The following GAD2 variants were observed in gnomAD, a reference collection of about 807,000 sequenced individuals.
GAD2 encodes the protein 65 kDa glutamic acid decarboxylase.
GAD2 carries 22 observed loss-of-function variants against 80.1 expected under a neutral mutation model. That is an observed-to-expected ratio of 0.27 (90% CI 0.20 to 0.39). The LOEUF (loss-of-function observed/expected upper bound fraction) is 0.39, where lower values mean the gene tolerates loss of function less well. Among genes scored for constraint, GAD2 ranks in the 10% least tolerant of loss-of-function variants. The pLI, the probability that GAD2 is intolerant of heterozygous loss-of-function variation, is 1.00. For synonymous variants in GAD2, 274 were observed against 256.9 expected (o/e 1.07, Z -0.64); for missense variants, 624 against 738.4 (o/e 0.85, Z 1.80).
chr10:26,293,068 G>A, intron 15 of GAD2, 77 bp downstream of exon 15: 2 of 1,204,684 alleles, frequency 1.7e-6, no homozygotes, highest in East Asian at 2.3e-5. Context: ...ACATATGCCT[G>A]TGGCCTTAGG....
chr10:26,291,412 C>A (rs1305176783), intron 13 of GAD2, among the ~76,000 whole-genome samples: 1 of 152,222 alleles, frequency 6.6e-6, no homozygotes, highest in African/African-American at 2.4e-5. Context: ...AGCCGATTAC[C>A]TGGGGGAGCA....
intron 7 of GAD2, among the ~76,000 whole-genome samples, chr10:26,237,878 G>C (rs1194684573): frequency 6.6e-6 from 1 of 151,830 alleles, no homozygotes; most frequent in Non-Finnish European, 1.5e-5. Flanking sequence ...TGTAATGGCG[G>C]CACCTGTAAT....
At chr10:26,218,227 C>G (rs950074194) in intron 3 of GAD2, 1 of 413,560 alleles carries the variant, frequency 2.4e-6, no homozygotes, top group East Asian at 3.8e-5. Flanking sequence ...CGCTCTTCCC[C>G]CAGCGCGGCC....
intron 7 of GAD2, among the ~76,000 whole-genome samples, chr10:26,242,740 C>G (rs1844758248): frequency 6.6e-6 from 1 of 152,290 alleles, no homozygotes; most frequent in Middle Eastern, 3.4e-3. Context: ...GCATTTGGTA[C>G]CGTGATCAAT....
chr10:26,287,937 C>A (rs1289268974), intron 13 of GAD2, among the ~76,000 whole-genome samples: 2 of 152,124 alleles, frequency 1.3e-5, no homozygotes, highest in African/African-American at 4.8e-5. Flanking sequence ...ACTTGGTCAG[C>A]AGGAGGGAAG....
chr10:26,286,536 AC>A (rs1376645554), intron 13 of GAD2, 42 bp downstream of exon 13: 2 of 1,553,096 alleles, frequency 1.3e-6, no homozygotes, highest in African/African-American at 2.8e-5. Context: ...TAAAAACAGA[AC>A]CTTTATCTGG....
chr10:26,288,236 T>C (rs1834171220), intron 13 of GAD2, among the ~76,000 whole-genome samples: 1 of 152,226 alleles, frequency 6.6e-6, no homozygotes, highest in Admixed American at 6.5e-5. Flanking sequence ...AATAACTCTT[T>C]AGTGGTTTCC....
intron 7 of GAD2, among the ~76,000 whole-genome samples, chr10:26,242,114 T>C (rs1203668902): frequency 6.6e-6 from 1 of 151,850 alleles, no homozygotes; most frequent in Non-Finnish European, 1.5e-5. Flanking sequence ...GCCTCCGGAG[T>C]AGCTGGGACT....
At chr10:26,238,413 G>A (rs781379410) in intron 7 of GAD2, among the ~76,000 whole-genome samples, 1 of 152,122 alleles carries the variant, frequency 6.6e-6, no homozygotes, top group Non-Finnish European at 1.5e-5. Flanking sequence ...AGAAATAATT[G>A]TTGTCCACAG....
At chr10:26,248,450 G>A (rs188594216) in intron 8 of GAD2, among the ~76,000 whole-genome samples, 1 of 152,120 alleles carries the variant, frequency 6.6e-6, no homozygotes, top group Admixed American at 6.6e-5. Context: ...TGAGGTTTAC[G>A]TACCAGCCAA....
chr10:26,220,068 G>A (rs990207163), intron 4 of GAD2, among the ~76,000 whole-genome samples: 4 of 152,124 alleles, frequency 2.6e-5, no homozygotes, highest in South Asian at 2.1e-4. Flanking sequence ...GGTGCATTCC[G>A]AGCTTTCATG....
At chr10:26,290,606 A>G (rs904084522) in intron 13 of GAD2, among the ~76,000 whole-genome samples, 1 of 152,184 alleles carries the variant, frequency 6.6e-6, no homozygotes, top group South Asian at 2.1e-4. Context: ...AAATTGAGAT[A>G]ACAGCAAGGG....
rs1844574762 is a variant in GAD2, at chr10:26,229,712, T to C, written c.775T>C (p.Phe259Leu). The change falls in exon 7 of 16, where the codon TTC (phenylalanine) becomes CTC (leucine). Residue 259 changes from phenylalanine (F) to leucine (L), a missense_variant. By Grantham distance (22) the Phe-to-Leu change is conservative. Coordinates refer to ENST00000376261, the MANE Select transcript of GAD2 (RefSeq NM_001134366.2). ...YAMMIARFKM[F>L]PEVKEKGMAA... Reference sequence around the variant, plus strand: ...CATGATGATCGCACGCTTTAAGATGTTCCCAGAAGTCAAGGAGAAAGGAAT... The same window carrying C: ...CATGATGATCGCACGCTTTAAGATGCTCCCAGAAGTCAAGGAGAAAGGAAT... 1 of 1,614,186 alleles carries C rather than the reference T, an allele frequency of 6.2e-7. No individual in the cohort carries two copies. Among genetic ancestry groups the C allele is most frequent in the African/African-American group, 1.3e-5 (1 of 75,048 alleles).
intron 15 of GAD2, 79 bp from the exon 16 acceptor site, chr10:26,300,709 C>A: frequency 1.5e-6 from 2 of 1,314,996 alleles, no homozygotes; most frequent in South Asian, 1.3e-5. Flanking sequence ...AAACTAAAGA[C>A]GCTGCTTGCT....
Position 26,229,767 on chromosome 10 carries a change from C to T in GAD2, c.830C>T (p.Thr277Met), listed in dbSNP as rs753672041. The T allele has an allele frequency of 6.2e-6, 10 of 1,610,014 alleles. No individual in the cohort carries two copies. Among genetic ancestry groups the T allele is most frequent in the Admixed American group, 3.3e-5 (2 of 59,966 alleles). Residue 277 changes from threonine to methionine, a missense_variant, in exon 7 of 16, where the codon ACG (threonine) becomes ATG (methionine). Coordinates refer to ENST00000376261, the MANE Select transcript of GAD2 (RefSeq NM_001134366.2). The stretch of plus-strand genomic sequence containing the variant: ...GCTCTTCCCAGGCTCATTGCCTTCA[C>T]GTCTGAACATGTATGTGTTTCTTTT... ...MAALPRLIAF[T>M]SEHSHFSLKK... is the part of the protein sequence containing the mutation.
At chr10:26,231,025 G>T (rs974511330) in intron 7 of GAD2, among the ~76,000 whole-genome samples, 1 of 152,156 alleles carries the variant, frequency 6.6e-6, no homozygotes, top group Non-Finnish European at 1.5e-5. Flanking sequence ...AGGAGGCAAA[G>T]GTTGCAGTGA....
rs1844386973 is a variant in GAD2, at chr10:26,217,321, C to T, written c.77-289C>T. On this transcript the variant is annotated intron_variant, in intron 1 of 15. Coordinates refer to ENST00000376261, the MANE Select transcript of GAD2 (RefSeq NM_001134366.2). The surrounding 1 kb of genome is among the most constrained non-coding windows in gnomAD (Gnocchi z 4.9). ...GCTTCAGTGTTTAGGAAAACTCGTCCAAGGTAGGCAGGGAGAGGAATTTGC... is the reference window on the plus strand; with the variant it reads ...GCTTCAGTGTTTAGGAAAACTCGTCTAAGGTAGGCAGGGAGAGGAATTTGC... 6.6e-6 allele frequency among the ~76,000 whole-genome samples: 1 copy of T among 152,108 alleles called. No homozygotes were observed. Among genetic ancestry groups the T allele is most frequent in the African/African-American group, 2.4e-5 (1 of 41,416 alleles).
At chr10:26,296,978 C>T (rs1025043988) in intron 15 of GAD2, among the ~76,000 whole-genome samples, 2 of 151,830 alleles carry the variant, frequency 1.3e-5, no homozygotes, top group Admixed American at 1.3e-4. Context: ...ACAGTGGTGC[C>T]ATCTCGGCTC....
intron 8 of GAD2, among the ~76,000 whole-genome samples, chr10:26,262,047 A>C (rs546672758): frequency 2.6e-5 from 4 of 152,238 alleles, no homozygotes. Flanking sequence ...CATTTGTAAA[A>C]TGTATCTATA....
Sources: allele counts gnomAD v4.1 joint callset (sites outside exome capture counted in the v4.1 genomes callset), GRCh38; gene constraint gnomAD v4.1.1; non-coding constraint Gnocchi (gnomAD v3.1); transcripts MANE v1.5; gene names NCBI Gene and HGNC (gene_info 2026-07-23, HGNC 2026-07-21).